NTM: variants seen among roughly 807,000 people sequenced by gnomAD.
NTM encodes the protein neurotrimin.
Under a neutral mutation model 42.1 loss-of-function variants are expected in NTM, and 13 were observed. The observed-to-expected ratio is 0.31, with a 90% CI of 0.20 to 0.49. NTM has a LOEUF of 0.49. Ranked by LOEUF, NTM falls within the 20% of genes least tolerant of loss-of-function variation. The pLI is 0.99. For missense variants in NTM, 373 were observed against 452.8 expected, an observed-to-expected ratio of 0.82 and a Z score of 1.60; for synonymous variants, 187 against 179.2, an observed-to-expected ratio of 1.04 and a Z score of -0.35.
intron 1 of NTM, among the ~76,000 whole-genome samples, chr11:131,818,060 G>A (rs761737720): frequency 2.0e-5 from 3 of 152,206 alleles, no homozygotes; most frequent in Non-Finnish European, 4.4e-5. Flanking sequence ...ACACACATCA[G>A]CGGCTTTTGG....
intron 3 of NTM, 44 bp from the exon 4 acceptor site, chr11:132,211,978 T>C (rs376846466): frequency 1.3e-6 from 2 of 1,589,302 alleles, no homozygotes; most frequent in Non-Finnish European, 1.7e-6. Context: ...AACTAAGAAA[T>C]GTTTCAGGAG....
chr11:131,609,145 C>A (rs533929737), intron 1 of NTM, among the ~76,000 whole-genome samples: 1 of 152,156 alleles, frequency 6.6e-6, no homozygotes, highest in Non-Finnish European at 1.5e-5. Context: ...TGGGCGAAGG[C>A]GTGGGCCCTG....
intron 1 of NTM, among the ~76,000 whole-genome samples, chr11:131,620,242 G>C (rs1285033083): frequency 6.6e-6 from 1 of 152,124 alleles, no homozygotes; most frequent in Non-Finnish European, 1.5e-5. Context: ...TGATTTCTAA[G>C]CCTCTTCAGC....
At chr11:131,498,193 G>C (rs921109372) in intron 1 of NTM, among the ~76,000 whole-genome samples, 1 of 152,218 alleles carries the variant, frequency 6.6e-6, no homozygotes, top group Non-Finnish European at 1.5e-5. Flanking sequence ...GAGGTTGGAA[G>C]TAAGGGCTCT....
chr11:131,816,069 A>G (rs992136214), intron 1 of NTM, among the ~76,000 whole-genome samples: 3 of 152,204 alleles, frequency 2.0e-5, no homozygotes, highest in South Asian at 2.1e-4. Flanking sequence ...GGAAGCTTTC[A>G]TATTTCCAGA....
intron 3 of NTM, among the ~76,000 whole-genome samples, chr11:132,197,417 G>A (rs2080418314): frequency 6.6e-6 from 1 of 151,662 alleles, no homozygotes; most frequent in African/African-American, 2.4e-5. Flanking sequence ...TGAGTACTAT[G>A]TAAATAATCT....
At chr11:132,210,953 G>C (rs59823524) in intron 3 of NTM, among the ~76,000 whole-genome samples, 2 of 152,002 alleles carry the variant, frequency 1.3e-5, no homozygotes, top group African/African-American at 4.8e-5. Context: ...GAAAGAAGGT[G>C]GGGGAGAGAG....
intron 1 of NTM, among the ~76,000 whole-genome samples, chr11:131,728,100 C>T (rs915643176): frequency 6.6e-6 from 1 of 152,028 alleles, no homozygotes; most frequent in Non-Finnish European, 1.5e-5. Context: ...AATGTAAAGA[C>T]GTGAGTGGAA....
At chr11:132,255,750 A>G (rs1223548654) in intron 4 of NTM, among the ~76,000 whole-genome samples, 2 of 151,916 alleles carry the variant, frequency 1.3e-5, no homozygotes, top group African/African-American at 4.8e-5. Flanking sequence ...GTTCAGTCCT[A>G]TTTGCTCTGC....
intron 1 of NTM, among the ~76,000 whole-genome samples, chr11:131,685,075 G>A (rs991429784): frequency 2.0e-5 from 3 of 152,220 alleles, no homozygotes; most frequent in African/African-American, 7.2e-5. Flanking sequence ...ATTCTAAGTT[G>A]GAGTGAATTT....
At chr11:131,731,156 C>G (rs765770657) in intron 1 of NTM, among the ~76,000 whole-genome samples, 1 of 152,184 alleles carries the variant, frequency 6.6e-6, no homozygotes, top group South Asian at 2.1e-4. Context: ...ACCTCCTCCT[C>G]CTCCTCCCGT....
intron 1 of NTM, among the ~76,000 whole-genome samples, chr11:131,631,531 A>G (rs908398913): frequency 2.0e-5 from 3 of 152,266 alleles, no homozygotes; most frequent in African/African-American, 7.2e-5. Context: ...CGTTTTCAAT[A>G]CAGACAGTAG....
intron 1 of NTM, among the ~76,000 whole-genome samples, chr11:131,790,444 G>C (rs1222717833): frequency 1.3e-5 from 2 of 152,126 alleles, no homozygotes; most frequent in Non-Finnish European, 2.9e-5. Flanking sequence ...AGATAAAGTG[G>C]TCTCTTACTC....
chr11:131,726,399 A>T (rs910219166), intron 1 of NTM, among the ~76,000 whole-genome samples: 3 of 151,300 alleles, frequency 2.0e-5, no homozygotes, highest in African/African-American at 7.4e-5. Context: ...GGCCCCTCTC[A>T]CACTTGGATT....
At chr11:131,548,332 C>T (rs569883341) in intron 1 of NTM, among the ~76,000 whole-genome samples, 5 of 152,112 alleles carry the variant, frequency 3.3e-5, no homozygotes, top group African/African-American at 1.2e-4. Context: ...ATCCCCCAGG[C>T]AGTACATCCA....
At chr11:131,879,602 C>T (rs1313696340) in intron 1 of NTM, among the ~76,000 whole-genome samples, 1 of 152,112 alleles carries the variant, frequency 6.6e-6, no homozygotes, top group Non-Finnish European at 1.5e-5. Context: ...ACTATAATGT[C>T]TTGGGAAAAA....
At chr11:131,936,462 A>C (rs920159310) in intron 2 of NTM, among the ~76,000 whole-genome samples, 2 of 152,122 alleles carry the variant, frequency 1.3e-5, no homozygotes, top group Non-Finnish European at 2.9e-5. Flanking sequence ...CTTGTTGCTG[A>C]GTGGTATAAT....
intron 2 of NTM, among the ~76,000 whole-genome samples, chr11:132,117,814 C>T (rs893794333): frequency 8.5e-5 from 13 of 152,118 alleles, no homozygotes; most frequent in Non-Finnish European, 1.8e-4. Context: ...ACACAGTGGG[C>T]GCTGAATAAA....
intron 1 of NTM, among the ~76,000 whole-genome samples, chr11:131,764,903 C>T (rs959917758): frequency 2.0e-4 from 31 of 152,266 alleles, no homozygotes; most frequent in African/African-American, 7.5e-4. Context: ...ATGTGCTGGA[C>T]AAGTCACACA....
Sources: gnomAD v4.1 joint callset for allele counts (sites outside exome capture counted in the v4.1 genomes callset) on GRCh38, gnomAD v4.1.1 for gene constraint, MANE v1.5 for transcripts, NCBI Gene and HGNC (gene_info 2026-07-23, HGNC 2026-07-21) for gene names.